Variants in SERPINB5 observed in about 807,000 individuals in gnomAD.
SERPINB5 encodes the protein serpin family B member 5, also known as serpin B5.
SERPINB5 carries 27 observed loss-of-function variants against 32.2 expected under a neutral mutation model. The observed-to-expected ratio is 0.84, with a 90% CI of 0.62 to 1.16. The LOEUF (loss-of-function observed/expected upper bound fraction) is 1.16. SERPINB5 is among the 50% of genes most tolerant of loss of function. The pLI is 0.00. For synonymous variants in SERPINB5, 154 were observed against 157.4 expected (o/e 0.98, Z 0.16); for missense variants, 388 against 436.3 (o/e 0.89, Z 0.99).
chr18:63,489,603 T>G lies in SERPINB5; in HGVS notation c.424+139T>G, dbSNP rs1406940172. 5 of 603,532 alleles carry G rather than the reference T, an allele frequency of 8.3e-6. No homozygotes were observed. The Admixed American group carries it at 1.6e-4, about 19-fold the overall frequency. 37.4% of individuals were successfully genotyped at this position (603,532 alleles called of 1,614,324 possible). On this transcript the variant is annotated intron_variant, in intron 4 of 6. Coordinates refer to ENST00000382771, the MANE Select transcript of SERPINB5 (RefSeq NM_002639.5). ...TACTACACAAGCTAAATTCTTTCCC[T>G]TCAAGCCTGTAAACAACTTGGATTT...
intron 5 of SERPINB5, chr18:63,497,384 T>C (rs1909471455): frequency 7.9e-7 from 1 of 1,263,394 alleles, no homozygotes; most frequent in Non-Finnish European, 1.1e-6. Context: ...GCCTTCCTTA[T>C]CCTCTTCGCC....
At chr18:63,482,913 ATTGT>A (rs1358447458) in intron 1 of SERPINB5, among the ~76,000 whole-genome samples, 2 of 143,180 alleles carry the variant, frequency 1.4e-5, no homozygotes, top group African/African-American at 2.5e-5. Flanking sequence ...GAAGAGTGAT[ATTGT>A]TTTTCATTTT....
At chr18:63,503,267 T>C (rs1455557) in intron 6 of SERPINB5, 63 bp from the exon 7 acceptor site, 916,933 of 1,503,014 alleles carry the variant, frequency 0.61, 284,012 homozygotes, top group Non-Finnish European at 0.64. Context: ...TGTTTTCAAT[T>C]GAGCCAGGTC....
intron 1 of SERPINB5, 121 bp from the exon 2 acceptor site, chr18:63,484,301 C>T: frequency 9.8e-7 from 1 of 1,017,786 alleles, no homozygotes; most frequent in Admixed American, 3.2e-5. Flanking sequence ...CAGAAAGTTC[C>T]TTGTTTCTTC....
chr18:63,486,830 G>A, intron 2 of SERPINB5, 116 bp from the exon 3 acceptor site: 1 of 1,036,596 alleles, frequency 9.6e-7, no homozygotes, highest in Non-Finnish European at 1.4e-6. Flanking sequence ...TACTTTACGG[G>A]AACTAGGCAG....
chr18:63,479,266 G>A (rs1917086569), intron 1 of SERPINB5, among the ~76,000 whole-genome samples: 1 of 152,160 alleles, frequency 6.6e-6, no homozygotes, highest in Non-Finnish European at 1.5e-5. Flanking sequence ...CCCAGGCAAA[G>A]TGGGATGTAT....
chr18:63,493,401 C>A, intron 5 of SERPINB5: 2 of 551,956 alleles, frequency 3.6e-6, no homozygotes, highest in East Asian at 2.9e-5. Flanking sequence ...AGAACTTTAG[C>A]AGAAAAGGAA....
intron 4 of SERPINB5, among the ~76,000 whole-genome samples, chr18:63,492,079 G>T (rs1380071700): frequency 6.6e-6 from 1 of 152,158 alleles, no homozygotes; most frequent in African/African-American, 2.4e-5. Context: ...CTGAACATTG[G>T]TCTGAAAATT....
In SERPINB5 at chr18:63,484,438, C is replaced by T; in HGVS notation, c.10C>T (p.Leu4=). The T allele has an allele frequency of 6.2e-7, 1 of 1,612,596 alleles. No homozygotes were observed. The highest frequency in any genetic ancestry group is 2.2e-5 in the East Asian group (1 of 44,826). Residue 4 remains leucine, a synonymous_variant, in exon 2 of 7, where the codon CTG becomes TTG. Coordinates refer to ENST00000382771, the MANE Select transcript of SERPINB5 (RefSeq NM_002639.5). MDA[L]QLANSAFAVD... is the part of the protein sequence containing the mutation. ...TGCTTCCAGGCCCGCAATGGATGCC[C>T]TGCAACTAGCAAATTCGGCTTTTGC...
intron 2 of SERPINB5, chr18:63,486,608 T>C (rs1263732961): frequency 9.8e-6 from 2 of 204,022 alleles, no homozygotes; most frequent in South Asian, 1.5e-4. Flanking sequence ...ACCTTTATGG[T>C]AGTGTTTCTC....
At chr18:63,480,181 C>T (rs1917103671) in intron 1 of SERPINB5, among the ~76,000 whole-genome samples, 1 of 152,172 alleles carries the variant, frequency 6.6e-6, no homozygotes, top group Non-Finnish European at 1.5e-5. Flanking sequence ...AAGATCTTGT[C>T]CCACTTTCAA....
intron 3 of SERPINB5, 24 bp downstream of exon 3, chr18:63,487,107 A>C: frequency 1.9e-6 from 3 of 1,607,272 alleles, no homozygotes; most frequent in Non-Finnish European, 2.5e-6. Flanking sequence ...AGCAAGTAGC[A>C]AGACTTAACT....
chr18:63,497,499 G>GGAAAAAAA (rs74169971), intron 5 of SERPINB5: 12 of 223,692 alleles, frequency 5.4e-5, no homozygotes, highest in Middle Eastern at 1.5e-3. Flanking sequence ...CAACGTTTCT[G>GGAAAAAAA]AAAAAAAAAA....
intron 2 of SERPINB5, among the ~76,000 whole-genome samples, chr18:63,486,173 G>C (rs1313118380): frequency 1.3e-5 from 2 of 152,170 alleles, no homozygotes; most frequent in Non-Finnish European, 2.9e-5. Context: ...CAGGAAAGCA[G>C]GTATTTTCAG....
At chr18:63,492,644 G>A (rs9964062) in intron 4 of SERPINB5, among the ~76,000 whole-genome samples, 33,763 of 152,088 alleles carry the variant, frequency 0.22, 7,269 homozygotes, top group African/African-American at 0.56. Context: ...TATATATAAT[G>A]TGTATCAAAT....
intron 5 of SERPINB5, chr18:63,497,126 A>G: frequency 1.6e-6 from 1 of 627,390 alleles, no homozygotes; most frequent in Non-Finnish European, 3.0e-6. Flanking sequence ...GCAGCTCCCC[A>G]CTTTAGGTGT....
chr18:63,483,750 C>G (rs1739722776), intron 1 of SERPINB5, among the ~76,000 whole-genome samples: 1 of 152,236 alleles, frequency 6.6e-6, no homozygotes, highest in South Asian at 2.1e-4. Flanking sequence ...CATCTTCCCT[C>G]TGTGTATGTC....
chr18:63,492,131 G>A (rs1012538416), intron 4 of SERPINB5, among the ~76,000 whole-genome samples: 1 of 152,172 alleles, frequency 6.6e-6, no homozygotes, highest in African/African-American at 2.4e-5. Context: ...AAACCTGTGG[G>A]CTATTCAAAT....
At chr18:63,491,413 A>ACCCCCC (rs1568110287) in intron 4 of SERPINB5, among the ~76,000 whole-genome samples, 14 of 145,912 alleles carry the variant, frequency 9.6e-5, no homozygotes, top group African/African-American at 3.8e-4. Context: ...CCAAAAAAAA[A>ACCCCCC]AAAAAAAAAA....
Sources: allele counts gnomAD v4.1 joint callset (sites outside exome capture counted in the v4.1 genomes callset), GRCh38; gene constraint gnomAD v4.1.1; transcripts MANE v1.5; gene names NCBI Gene and HGNC (gene_info 2026-07-23, HGNC 2026-07-21).